Variants in DCT observed in about 807,000 individuals in gnomAD.
The protein encoded by DCT is dopachrome tautomerase, also known as L-dopachrome tautomerase.
A neutral mutation model predicts 53.0 loss-of-function variants in DCT; 47 were observed. The ratio of observed to expected loss-of-function variants is 0.89; its 90% CI spans 0.70 to 1.13. The LOEUF (loss-of-function observed/expected upper bound fraction) is 1.13, where lower values mean the gene tolerates loss of function less well. Ranked by LOEUF, DCT falls within the 50% of genes most tolerant of loss-of-function variation. DCT has a pLI of 0.00. For missense variants in DCT, 669 were observed against 637.4 expected, an observed-to-expected ratio of 1.05 and a Z score of -0.53; for synonymous variants, 244 against 237.0, an observed-to-expected ratio of 1.03 and a Z score of -0.27.
chr13:94,457,360 G>T (rs1157288325), intron 6 of DCT, among the ~76,000 whole-genome samples: 1 of 152,164 alleles, frequency 6.6e-6, no homozygotes, highest in East Asian at 1.9e-4. Flanking sequence ...GCATCAGAGA[G>T]TTTATTCTCT....
chr13:94,493,290 T>C, the DCT span, among the ~76,000 whole-genome samples: 7 of 152,192 alleles, frequency 4.6e-5, no homozygotes, highest in South Asian at 6.2e-4. Context: ...CCACGACTTA[T>C]GCTGAGTGAA....
chr13:94,485,827 G>C, the DCT span, among the ~76,000 whole-genome samples: 1 of 152,196 alleles, frequency 6.6e-6, no homozygotes, highest in African/African-American at 2.4e-5. Context: ...AAGATAAAGA[G>C]ATTTCCTTTG....
the DCT span, among the ~76,000 whole-genome samples, chr13:94,505,888 C>T: frequency 6.6e-6 from 1 of 152,116 alleles, no homozygotes; most frequent in Non-Finnish European, 1.5e-5. Context: ...CACAAGGAAC[C>T]AAATCTTGGA....
At chr13:94,488,516 A>T in the DCT span, among the ~76,000 whole-genome samples, 1 of 151,894 alleles carries the variant, frequency 6.6e-6, no homozygotes, top group Non-Finnish European at 1.5e-5. Context: ...GGAGTTTGAG[A>T]CCAGCCTCGG....
chr13:94,510,307 C>T, the DCT span, among the ~76,000 whole-genome samples: 7 of 152,164 alleles, frequency 4.6e-5, no homozygotes, highest in East Asian at 1.9e-4. Context: ...TTAAACCACC[C>T]TCCTACCACC....
intron 6 of DCT, among the ~76,000 whole-genome samples, chr13:94,447,517 C>T (rs1309954780): frequency 1.3e-5 from 2 of 152,226 alleles, no homozygotes; most frequent in African/African-American, 4.8e-5. Context: ...CAGCATGGGC[C>T]CATGGCCCAG....
At chr13:94,518,048 G>C in the DCT span, among the ~76,000 whole-genome samples, 8 of 149,060 alleles carry the variant, frequency 5.4e-5, no homozygotes, top group Non-Finnish European at 8.9e-5. Flanking sequence ...TTCAAGACCA[G>C]TCTGGGCAAT....
the DCT span, among the ~76,000 whole-genome samples, chr13:94,498,967 A>G: frequency 6.6e-6 from 1 of 152,112 alleles, no homozygotes; most frequent in South Asian, 2.1e-4. Flanking sequence ...AAATGGACCA[A>G]TCAGCACTCT....
rs758701844 is a variant in DCT at position 94,479,055 on chromosome 13, G to T, written c.201C>A (p.Asp67Glu). 1 of 1,614,216 alleles carries T rather than the reference G, an allele frequency of 6.2e-7. No individual in the cohort carries two copies. The highest frequency in any genetic ancestry group is 1.1e-5 in the South Asian group (1 of 91,084). ...TGTAGGGACCACTCCAGGGCCTTGT[G>T]TCGGCTCGCACCTCTGTGCACTGCC... ...GRGQCTEVRA[D>E]TRPWSGPYIL... Residue 67 changes from aspartate (D) to glutamate (E), a missense_variant, in exon 1 of 8, where the codon GAC becomes GAA. Transcript: ENST00000377028.
At chr13:94,524,258 G>C in the DCT span, among the ~76,000 whole-genome samples, 2 of 152,226 alleles carry the variant, frequency 1.3e-5, no homozygotes, top group African/African-American at 4.8e-5. Flanking sequence ...AAACTCAATG[G>C]GCTGTGGCAC....
At position 94,468,736 on chromosome 13, in the gene DCT, A is replaced by G; in HGVS notation, c.595+10T>C. On this transcript the variant is annotated intron_variant, in intron 2 of 7. Transcript: ENST00000377028. ...GTAATAATATACCTTCAGCCAAGGA[A>G]AAAACCCACCTAATAATGTATCTCT... 6.2e-7 allele frequency: 1 copy of G among 1,609,834 alleles called. No individual in the cohort carries two copies. The highest frequency in any genetic ancestry group is 8.5e-7 in the Non-Finnish European group (1 of 1,177,374).
the DCT span, among the ~76,000 whole-genome samples, chr13:94,493,842 C>G: frequency 6.6e-6 from 1 of 152,136 alleles, no homozygotes; most frequent in African/African-American, 2.4e-5. Flanking sequence ...ATACATTTGT[C>G]AAATCCCACA....
chr13:94,489,137 T>C, the DCT span, among the ~76,000 whole-genome samples: 4 of 152,342 alleles, frequency 2.6e-5, no homozygotes, highest in South Asian at 2.1e-4. Context: ...TTTCATTCTA[T>C]ATTTTTGTAC....
chr13:94,545,372 G>C, the DCT span, among the ~76,000 whole-genome samples: 4 of 152,220 alleles, frequency 2.6e-5, no homozygotes, highest in Admixed American at 6.5e-5. Flanking sequence ...GTCTGCTAAA[G>C]CCAGACTTGC....
At chr13:94,492,070 C>T in the DCT span, among the ~76,000 whole-genome samples, 1 of 152,136 alleles carries the variant, frequency 6.6e-6, no homozygotes, top group Non-Finnish European at 1.5e-5. Flanking sequence ...CATGAGATCT[C>T]TCTTACCTGT....
Position 94,468,868 on chromosome 13 carries a change from A to G in DCT, c.473T>C (p.Ile158Thr), listed in dbSNP as rs759365124. 3 of 1,614,062 alleles carry G rather than the reference A, an allele frequency of 1.9e-6. No homozygotes were observed. Among genetic ancestry groups the G allele is most frequent in the South Asian group, 1.1e-5 (1 of 91,088 alleles). ...CAGGCCCAGCCAGTGTTGTGTGGTGATCACGTAGTCGGGGTGTACTCTCTT... is the reference window on the plus strand; with the variant it reads ...CAGGCCCAGCCAGTGTTGTGTGGTGGTCACGTAGTCGGGGTGTACTCTCTT... ...AKKRVHPDYVITTQHWLGLLG... is the reference protein window; with the variant it reads ...AKKRVHPDYVTTTQHWLGLLG... The change falls in exon 2 of 8, where the codon ATC becomes ACC. Residue 158 changes from isoleucine (I) to threonine (T), a missense_variant. Transcript: ENST00000377028.
chr13:94,463,285 CTTT>C (rs34241046), intron 4 of DCT, among the ~76,000 whole-genome samples: 12 of 131,348 alleles, frequency 9.1e-5, no homozygotes, highest in Non-Finnish European at 1.1e-4. Context: ...TACTGGCTAA[CTTT>C]TTTTTTTTTT....
At chr13:94,538,994 CACA>C in the DCT span, among the ~76,000 whole-genome samples, 3 of 152,184 alleles carry the variant, frequency 2.0e-5, no homozygotes, top group African/African-American at 4.8e-5. Context: ...TTCCAGGTCA[CACA>C]ACATCTTTCA....
chr13:94,486,543 T>C, the DCT span, among the ~76,000 whole-genome samples: 1 of 152,218 alleles, frequency 6.6e-6, no homozygotes, highest in African/African-American at 2.4e-5. Context: ...AAAAACATCC[T>C]GTGAAACTTG....
Sources: allele counts gnomAD v4.1 joint callset (sites outside exome capture counted in the v4.1 genomes callset), GRCh38; gene constraint gnomAD v4.1.1; transcripts MANE v1.5; gene names NCBI Gene and HGNC (gene_info 2026-07-23, HGNC 2026-07-21).